Variants in USP24 observed in about 807,000 individuals in gnomAD.
USP24 encodes ubiquitin specific peptidase 24.
A neutral mutation model predicts 361.6 loss-of-function variants in USP24; 97 were observed. That is an observed-to-expected ratio of 0.27 (90% CI 0.23 to 0.32). The LOEUF (loss-of-function observed/expected upper bound fraction) is 0.32. Ranked by LOEUF, USP24 falls within the 10% of genes least tolerant of loss-of-function variation. The pLI, the probability that USP24 is intolerant of heterozygous loss-of-function variation, is 1.00. For missense variants in USP24, 2,353 were observed against 3,165.6 expected, an observed-to-expected ratio of 0.74 and a Z score of 6.16; for synonymous variants, 1,098 against 1,124.6, an observed-to-expected ratio of 0.98 and a Z score of 0.47.
intron 1 of USP24, among the ~76,000 whole-genome samples, chr1:55,202,795 T>A (rs1644610869): frequency 6.6e-6 from 1 of 152,214 alleles, no homozygotes; most frequent in Non-Finnish European, 1.5e-5. Context: ...TGTACAAGGA[T>A]GCTAGTCGAG....
chr1:55,108,529 G>A (rs1031045727), intron 39 of USP24, among the ~76,000 whole-genome samples: 1 of 152,150 alleles, frequency 6.6e-6, no homozygotes, highest in East Asian at 1.9e-4. Context: ...ACACTGCAGG[G>A]TGCTGTGTAT....
chr1:55,128,824 C>A (rs1270035258), intron 32 of USP24, among the ~76,000 whole-genome samples: 2 of 151,258 alleles, frequency 1.3e-5, no homozygotes, highest in African/African-American at 4.9e-5. Context: ...AAGTGATCCT[C>A]CCACCTCAGT....
At chr1:55,205,586 A>G (rs1393862610) in intron 1 of USP24, among the ~76,000 whole-genome samples, 3 of 152,220 alleles carry the variant, frequency 2.0e-5, no homozygotes, top group Non-Finnish European at 2.9e-5. Flanking sequence ...CAATTAGATA[A>G]AAAGCAAATT....
At position 55,137,697 on chromosome 1, in the gene USP24, A is replaced by G; in HGVS notation, c.3028-9T>C. ...TCTTTATTCACTGTCAGCTGCAAAA[A>G]GTGGTTTCTTAATTATTGAGAGGAA... On this transcript the variant is annotated splice_polypyrimidine_tract_variant and intron_variant, in intron 27 of 67. Transcript: ENST00000294383. 1 of 1,608,624 alleles carries G rather than the reference A, an allele frequency of 6.2e-7. No homozygotes were observed. Among genetic ancestry groups the G allele is most frequent in the South Asian group, 1.1e-5 (1 of 89,836 alleles).
chr1:55,129,160 G>C (rs184347381), intron 32 of USP24, among the ~76,000 whole-genome samples: 30 of 152,170 alleles, frequency 2.0e-4, no homozygotes, highest in African/African-American at 7.2e-4. Context: ...GATTTACAGC[G>C]ATAAAATTCA....
intron 1 of USP24, among the ~76,000 whole-genome samples, chr1:55,199,588 AGTGTGTGTGTGTGTGTGT>A (rs55710750): frequency 3.4e-5 from 5 of 146,386 alleles, no homozygotes; most frequent in African/African-American, 7.6e-5. Context: ...GTTCAGAAAA[AGTGTGTGTGTGTGTGTGT>A]GTGTGTGTGT....
chr1:55,164,850 G>A (rs918025777), intron 7 of USP24, among the ~76,000 whole-genome samples: 3 of 150,656 alleles, frequency 2.0e-5, no homozygotes, highest in African/African-American at 7.3e-5. Flanking sequence ...CTTTGGTTTT[G>A]CTTTTTAAAT....
intron 7 of USP24, among the ~76,000 whole-genome samples, chr1:55,163,996 T>C (rs1478249360): frequency 6.6e-6 from 1 of 151,942 alleles, no homozygotes; most frequent in East Asian, 1.9e-4. Context: ...CTTTCAGAAA[T>C]AGTTGCACGT....
chr1:55,099,912 T>C (rs1645589587), intron 44 of USP24, 43 bp from the exon 45 acceptor site: 1 of 1,404,722 alleles, frequency 7.1e-7, no homozygotes, highest in Non-Finnish European at 9.8e-7. Flanking sequence ...AAAGTAGCAA[T>C]TTCTGAATGT....
At chr1:55,175,367 T>C (rs1426109828) in intron 3 of USP24, among the ~76,000 whole-genome samples, 14 of 151,808 alleles carry the variant, frequency 9.2e-5, no homozygotes, top group African/African-American at 3.1e-4. Flanking sequence ...GCTGGGATTA[T>C]AGGTGCCCAC....
chr1:55,092,039 T>G lies in USP24; in HGVS notation c.6538A>C (p.Thr2180Pro). 6.2e-7 allele frequency: 1 copy of G among 1,610,468 alleles called. No individual in the cohort carries two copies. Among genetic ancestry groups the G allele is most frequent in the Non-Finnish European group, 8.5e-7 (1 of 1,178,056 alleles). Reference sequence around the variant, plus strand: ...ACTTCTCACCTGAGTTTCTTCTTTGTCCGTAGATAAGTTTGAAAAAGGAAT... The same window carrying G: ...ACTTCTCACCTGAGTTTCTTCTTTGGCCGTAGATAAGTTTGAAAAAGGAAT... The part of the protein sequence containing the change: ...IQFLFQTYLR[T>P]KKKLRVDTEE... Residue 2180 changes from threonine to proline, a missense_variant, in exon 54 of 68, where the codon ACA becomes CCA. Physicochemically the swap from Thr to Pro is conservative, Grantham distance 38 (BLOSUM62 -1). Transcript: ENST00000294383.
At position 55,191,494 on chromosome 1, in the gene USP24, C is replaced by CTT. The variant is rs34179339; in HGVS notation, c.325-13364_325-13363dup. On this transcript the variant is annotated intron_variant, in intron 1 of 67. Coordinates refer to ENST00000294383, the MANE Select transcript of USP24 (RefSeq NM_015306.3). Reference sequence around the variant, plus strand: ...ACTTATAAGATCAATATGGCACTTTCTTTTTTTTTTTTTTGAGATGGAGTC... The same window carrying CTT: ...ACTTATAAGATCAATATGGCACTTTCTTTTTTTTTTTTTTTTGAGATGGAGTC... Among the ~76,000 whole-genome samples, 804 of 141,936 alleles carry CTT rather than the reference C, an allele frequency of 5.7e-3. 17 individuals carry two copies. Among genetic ancestry groups the CTT allele is most frequent in the Middle Eastern group, 7.4e-3 (2 of 272 alleles). 93.1% of individuals were successfully genotyped at this position (141,936 alleles called of 152,430 possible). A position where few individuals can be genotyped will look rare whatever the true frequency, so the allele number is the denominator to read the frequency against.
intron 24 of USP24, among the ~76,000 whole-genome samples, chr1:55,140,391 A>G (rs1165777794): frequency 1.3e-5 from 2 of 152,198 alleles, no homozygotes; most frequent in Non-Finnish European, 2.9e-5. Flanking sequence ...CTTAATACAC[A>G]TTTTAAATGA....
chr1:55,083,487 T>A (rs996323603), intron 57 of USP24, 123 bp from the exon 58 acceptor site: 3 of 946,568 alleles, frequency 3.2e-6, no homozygotes, highest in Non-Finnish European at 4.7e-6. Context: ...TATTTCCATA[T>A]AGAAAGTACT....
chr1:55,110,133 C>T (rs1341682344), intron 39 of USP24, 52 bp downstream of exon 39: 1 of 1,401,420 alleles, frequency 7.1e-7, no homozygotes. Flanking sequence ...GTGTGACTTT[C>T]TCTTCTACTC....
intron 7 of USP24, 125 bp downstream of exon 7, chr1:55,165,760 G>T: frequency 1.5e-6 from 1 of 679,032 alleles, no homozygotes; most frequent in Non-Finnish European, 2.2e-6. Context: ...CGTGGAATCT[G>T]CTCCTCTAAA....
At chr1:55,173,814 C>T (rs1472644726) in intron 3 of USP24, among the ~76,000 whole-genome samples, 1 of 152,048 alleles carries the variant, frequency 6.6e-6, no homozygotes, top group Non-Finnish European at 1.5e-5. Context: ...ACTATATATT[C>T]CTCCTATAGT....
Position 55,146,957 on chromosome 1 carries a change from C to A in USP24, c.2222G>T (p.Gly741Val). The part of the protein sequence containing the change: ...AKEIWECLVT[G>V]QDVCELDREM... ...TCTATCTAATTCACAAACATCCTGGCCAGTTACAAGACACTCCCAGATCTC... is the reference window on the plus strand; with the variant it reads ...TCTATCTAATTCACAAACATCCTGGACAGTTACAAGACACTCCCAGATCTC... The change falls in exon 19 of 68, where the codon GGC (glycine) becomes GTC (valine). Residue 741 changes from glycine to valine, a missense_variant. This residue lies in a region of USP24 where 949 missense variants were observed against 1,280.5 expected (regional missense o/e 0.74). Transcript: ENST00000294383. 1 of 1,612,068 alleles carries A rather than the reference C, an allele frequency of 6.2e-7. No individual in the cohort carries two copies. The highest frequency in any genetic ancestry group is 8.5e-7 in the Non-Finnish European group (1 of 1,178,940).
At chr1:55,188,648 A>G (rs976416145) in intron 1 of USP24, among the ~76,000 whole-genome samples, 1 of 151,950 alleles carries the variant, frequency 6.6e-6, no homozygotes, top group Non-Finnish European at 1.5e-5. Context: ...ACCTACTAGG[A>G]TGGCCAAAAT....
Sources: allele counts gnomAD v4.1 joint callset (sites outside exome capture counted in the v4.1 genomes callset), GRCh38; gene constraint gnomAD v4.1.1; regional missense constraint gnomAD v4.1.1; transcripts MANE v1.5; gene names NCBI Gene and HGNC (gene_info 2026-07-23, HGNC 2026-07-21).